ATP2B4: variants seen among roughly 807,000 people sequenced by gnomAD.
ATP2B4 encodes plasma membrane calcium-transporting ATPase 4.
In ATP2B4, 39 loss-of-function variants were observed where a neutral mutation model predicts 110.3. That is an observed-to-expected ratio of 0.35 (90% CI 0.27 to 0.46). The LOEUF (loss-of-function observed/expected upper bound fraction) is 0.46. Ranked by LOEUF, ATP2B4 falls within the 20% of genes least tolerant of loss-of-function variation. The probability of loss-of-function intolerance (pLI) is 1.00; values close to 1 mark genes in which losing one functional copy is unlikely to be tolerated. For synonymous variants in ATP2B4, 538 were observed against 571.7 expected (o/e 0.94, Z 0.84); for missense variants, 1,135 against 1,530.9 (o/e 0.74, Z 4.32).
At chr1:203,729,743 G>T in intron 20 of ATP2B4, 1 of 1,351,252 alleles carries the variant, frequency 7.4e-7, no homozygotes. Flanking sequence ...CCGTGTTGCT[G>T]GCCTCACATC....
chr1:203,687,869 A>G (rs761011443), intron 2 of ATP2B4, among the ~76,000 whole-genome samples: 2 of 152,164 alleles, frequency 1.3e-5, no homozygotes, highest in African/African-American at 4.8e-5. Flanking sequence ...GCTCTAGCAT[A>G]AGAAGCATTT....
intron 1 of ATP2B4, among the ~76,000 whole-genome samples, chr1:203,681,894 C>T (rs1665025203): frequency 6.6e-6 from 1 of 150,394 alleles, no homozygotes; most frequent in African/African-American, 2.4e-5. Flanking sequence ...CTTCAAACTC[C>T]CTATCTTTCC....
At position 203,742,493 on chromosome 1, in the gene ATP2B4, C is replaced by G. The variant is rs1266501804; in HGVS notation, c.*2639C>G. On this transcript the variant is annotated 3_prime_UTR_variant, in exon 21 of 21. Coordinates refer to ENST00000357681, the MANE Select transcript of ATP2B4 (RefSeq NM_001684.5). The stretch of plus-strand genomic sequence containing the variant: ...AATAACACTTTTCCCCAAAATGGTG[C>G]TTTGGATTTGAAAAGGGTCTGATGG... The G allele has an allele frequency of 1.3e-5, 2 of 152,558 alleles. No homozygotes were observed. The highest frequency in any genetic ancestry group is 2.9e-5 in the Non-Finnish European group (2 of 68,036). The allele number at this position is 152,558 out of a possible 1,614,324, so 9.5% of individuals were successfully genotyped here. A position where few individuals can be genotyped will look rare whatever the true frequency, so the allele number is the denominator to read the frequency against.
intron 2 of ATP2B4, among the ~76,000 whole-genome samples, chr1:203,686,716 G>A (rs1278680231): frequency 6.7e-5 from 2 of 29,982 alleles, no homozygotes; most frequent in African/African-American, 1.0e-4. Flanking sequence ...TTTTTTAGAA[G>A]GAGTTTTGCT....
chr1:203,632,994 C>A (rs112393380), intron 1 of ATP2B4, among the ~76,000 whole-genome samples: 1 of 152,074 alleles, frequency 6.6e-6, no homozygotes. Flanking sequence ...ATTTTTATTT[C>A]TAAGTACAAC....
rs1667042401 is a variant in ATP2B4 at position 203,744,039 on chromosome 1, A to G, written c.*4185A>G. ...GCTTTTTGCTGATGAACAGAAACCA[A>G]TACTGCTGTGCACTGAGAATAAAAA... On this transcript the variant is annotated 3_prime_UTR_variant, in exon 21 of 21. Transcript: ENST00000357681. 1 of 152,670 alleles carries G rather than the reference A, an allele frequency of 6.6e-6. No homozygotes were observed. The highest frequency in any genetic ancestry group is 1.5e-5 in the Non-Finnish European group (1 of 68,056). The allele number at this position is 152,670 out of a possible 1,614,324, so 9.5% of individuals were successfully genotyped here.
chr1:203,702,143 G>C, intron 7 of ATP2B4, 64 bp downstream of exon 7: 1 of 1,577,794 alleles, frequency 6.3e-7, no homozygotes, highest in South Asian at 1.1e-5. Flanking sequence ...ACCTTTCCAG[G>C]CCATCTTCCT....
intron 2 of ATP2B4, among the ~76,000 whole-genome samples, chr1:203,692,715 C>T (rs767336553): frequency 3.3e-5 from 5 of 152,194 alleles, no homozygotes; most frequent in Non-Finnish European, 4.4e-5. Flanking sequence ...TAAGTAGTGC[C>T]TCTGCCGATG....
chr1:203,736,472 CA>C (rs71566126), intron 20 of ATP2B4, among the ~76,000 whole-genome samples: 107 of 143,032 alleles, frequency 7.5e-4, no homozygotes, highest in African/African-American at 1.2e-3. Flanking sequence ...CCATCCCCCC[CA>C]AAAAAAAAAA....
chr1:203,656,993 A>G, intron 1 of ATP2B4: 1 of 732,524 alleles, frequency 1.4e-6, no homozygotes, highest in Admixed American at 1.9e-5. Context: ...GCATTTATGC[A>G]GCCATCATTT....
intron 1 of ATP2B4, among the ~76,000 whole-genome samples, chr1:203,676,820 T>C (rs368952318): frequency 8.7e-6 from 1 of 114,498 alleles, no homozygotes; most frequent in Admixed American, 8.5e-5. Context: ...GGGGGTGGGG[T>C]GAGGGGAGGG....
chr1:203,652,365 T>G (rs1366968210), intron 1 of ATP2B4, among the ~76,000 whole-genome samples: 1 of 152,002 alleles, frequency 6.6e-6, no homozygotes, highest in African/African-American at 2.4e-5. Context: ...AGGCTAGTCT[T>G]GAACTCCTGA....
At position 203,714,194 on chromosome 1, in the gene ATP2B4, G is replaced by C; in HGVS notation, c.2323G>C (p.Glu775Gln). ...AGGCATAATTGACAGCACTGTTGGG[G>C]AACACCGGCAGGTCGTGGCTGTCAC... ...VKGIIDSTVG[E>Q]HRQVVAVTGD... The change falls in exon 15 of 21, where the codon GAA (glutamate) becomes CAA (glutamine). Residue 775 changes from glutamate to glutamine, a missense_variant. By Grantham distance (29) the Glu-to-Gln change is conservative. Coordinates refer to ENST00000357681, the MANE Select transcript of ATP2B4 (RefSeq NM_001684.5). The C allele has an allele frequency of 6.2e-7, 1 of 1,614,170 alleles. No individual in the cohort carries two copies. The highest frequency in any genetic ancestry group is 8.5e-7 in the Non-Finnish European group (1 of 1,180,026).
intron 14 of ATP2B4, among the ~76,000 whole-genome samples, chr1:203,713,545 A>G (rs1435555029): frequency 6.6e-6 from 1 of 151,972 alleles, no homozygotes; most frequent in Non-Finnish European, 1.5e-5. Flanking sequence ...GCTCACTGCA[A>G]CCTCCGCCTC....
Position 203,739,407 on chromosome 1 carries a change from G to A in ATP2B4, c.3310-139G>A, listed in dbSNP as rs969823411. 2.0e-5 allele frequency: 16 copies of A among 808,696 alleles called. 1 individual carries two copies. The East Asian group carries it at 4.0e-4, about 20-fold the overall frequency. 50.1% of individuals were successfully genotyped at this position (808,696 alleles called of 1,614,324 possible). ...CTAGTGCCCCATGATCTCTTCTGAT[G>A]TGTGTTTGGTTTTGATGCTGAGCAG... On this transcript the variant is annotated intron_variant, in intron 20 of 20. Coordinates refer to ENST00000357681, the MANE Select transcript of ATP2B4 (RefSeq NM_001684.5).
At chr1:203,720,857 G>T in intron 16 of ATP2B4, 117 bp downstream of exon 16, 1 of 1,246,766 alleles carries the variant, frequency 8.0e-7, no homozygotes, top group Non-Finnish European at 1.1e-6. Context: ...CATGACATTG[G>T]GACAGGAGTT....
chr1:203,665,493 G>A (rs1664476061), intron 1 of ATP2B4, among the ~76,000 whole-genome samples: 1 of 152,086 alleles, frequency 6.6e-6, no homozygotes, highest in African/African-American at 2.4e-5. Context: ...CCCCTGTCCT[G>A]CTTTCCTGTC....
chr1:203,724,882 T>TG (rs1666461450), intron 19 of ATP2B4, among the ~76,000 whole-genome samples: 1 of 144,842 alleles, frequency 6.9e-6, no homozygotes, highest in African/African-American at 2.6e-5. Context: ...TTTTTTTTTT[T>TG]TTTTTTTTTT....
At chr1:203,652,440 G>A (rs1230084252) in intron 1 of ATP2B4, among the ~76,000 whole-genome samples, 2 of 152,048 alleles carry the variant, frequency 1.3e-5, no homozygotes, top group Non-Finnish European at 1.5e-5. Flanking sequence ...GCCACTATGC[G>A]AGGCCTACTA....
Sources: gnomAD v4.1 joint callset for allele counts (sites outside exome capture counted in the v4.1 genomes callset) on GRCh38, gnomAD v4.1.1 for gene constraint, MANE v1.5 for transcripts, NCBI Gene and HGNC (gene_info 2026-07-23, HGNC 2026-07-21) for gene names.